The following ACOT7 variants were observed in gnomAD, a reference collection of about 807,000 sequenced individuals.
ACOT7 encodes cytosolic acyl coenzyme A thioester hydrolase.
In ACOT7, 12 loss-of-function variants were observed where a neutral mutation model predicts 40.2. The ratio of observed to expected loss-of-function variants is 0.30; its 90% CI spans 0.19 to 0.48. ACOT7 has a LOEUF of 0.48. Among genes scored for constraint, ACOT7 ranks in the 20% least tolerant of loss-of-function variants. The probability of loss-of-function intolerance (pLI) is 0.99; values close to 1 mark genes in which losing one functional copy is unlikely to be tolerated. For missense variants in ACOT7, 395 were observed against 530.8 expected (o/e 0.74, Z 2.51); for synonymous variants, 228 against 219.5 (o/e 1.04, Z -0.34).
chr1:6,375,331 G>A (rs114178267), intron 1 of ACOT7, among the ~76,000 whole-genome samples: 2,644 of 150,288 alleles, frequency 0.018, 82 homozygotes, highest in African/African-American at 0.061. Context: ...ACATATATCC[G>A]ATAAACAACT....
chr1:6,392,645 T>C (rs565978054), intron 1 of ACOT7, among the ~76,000 whole-genome samples: 17 of 152,294 alleles, frequency 1.1e-4, no homozygotes, highest in Admixed American at 1.0e-3. Context: ...AGTAAACTGT[T>C]AGAGGTAGAC....
At chr1:6,333,662 TC>T in intron 3 of ACOT7, 94 bp from the exon 4 acceptor site, 1 of 1,222,380 alleles carries the variant, frequency 8.2e-7, no homozygotes, top group Non-Finnish European at 1.2e-6. Context: ...CAGCGCCCGG[TC>T]CCAGTACCTG....
At chr1:6,316,081 C>A (rs1640485183) in intron 6 of ACOT7, among the ~76,000 whole-genome samples, 1 of 152,144 alleles carries the variant, frequency 6.6e-6, no homozygotes, top group South Asian at 2.1e-4. Context: ...GACGGAAATG[C>A]CCCATTTAGT....
intron 8 of ACOT7, among the ~76,000 whole-genome samples, chr1:6,265,857 T>G (rs1638835879): frequency 6.6e-6 from 1 of 152,214 alleles, no homozygotes; most frequent in Non-Finnish European, 1.5e-5. Context: ...CAGCTATTTT[T>G]GGGCCTAAGT....
Position 6,306,692 on chromosome 1 carries a change from C to A in ACOT7, c.713-11712G>T. On this transcript the variant is annotated intron_variant, in intron 6 of 8. Coordinates refer to ENST00000361521, the MANE Select transcript of ACOT7 (RefSeq NM_007274.4). The surrounding 1 kb of genome is among the most constrained non-coding windows in gnomAD (Gnocchi z 4.3). ...AGCATTTGTTTGTTCACCTCTTGAT[C>A]CCCCTAGACCAGAAGTTCCTCAAGA... 1.0e-6 allele frequency: 1 copy of A among 985,428 alleles called. No individual in the cohort carries two copies. The highest frequency in any genetic ancestry group is 1.2e-6 in the Non-Finnish European group (1 of 829,926). 61.0% of individuals were successfully genotyped at this position (985,428 alleles called of 1,614,324 possible).
rs140080557 is a variant in ACOT7 at position 6,335,472 on chromosome 1, G to A, written c.419-1904C>T. On this transcript the variant is annotated intron_variant, in intron 3 of 8. Coordinates refer to ENST00000361521, the MANE Select transcript of ACOT7 (RefSeq NM_007274.4). ...TGCACCACTGCACTCCAGCCTGGGCGACAGAGCGAGGCCCTGTCTTAAAAA... is the reference window on the plus strand; with the variant it reads ...TGCACCACTGCACTCCAGCCTGGGCAACAGAGCGAGGCCCTGTCTTAAAAA... 4.7e-3 allele frequency among the ~76,000 whole-genome samples: 719 copies of A among 152,190 alleles called. 8 individuals are homozygous for A. The highest frequency in any genetic ancestry group is 0.016 in the African/African-American group (676 of 41,506).
At position 6,275,642 on chromosome 1, in the gene ACOT7, G is replaced by T. The variant is rs200927232; in HGVS notation, c.1014+5460C>A. 6.6e-5 allele frequency among the ~76,000 whole-genome samples: 10 copies of T among 151,434 alleles called. No homozygotes were observed. The East Asian group carries it at 2.0e-3, about 30-fold the overall frequency. On this transcript the variant is annotated intron_variant, in intron 8 of 8. Transcript: ENST00000361521. The surrounding 1 kb of genome is among the most constrained non-coding windows in gnomAD (Gnocchi z 5.6). ...TGAGGCAGGAGAATCGTTTGAACCC[G>T]GGAGGCAGCGGTTGCAGTGAGCCGA...
chr1:6,305,324 C>A lies in ACOT7; in HGVS notation c.713-10344G>T, dbSNP rs531255125. On this transcript the variant is annotated intron_variant, in intron 6 of 8. Coordinates refer to ENST00000361521, the MANE Select transcript of ACOT7 (RefSeq NM_007274.4). ...CTCCTCACTTCCCAGTAGGGGCGGC[C>A]GGGCAGAGGCGCCCCTCACCTCCCG... Among the ~76,000 whole-genome samples, 863 of 131,916 alleles carry A rather than the reference C, an allele frequency of 6.5e-3. 3 individuals carry two copies. The highest frequency in any genetic ancestry group is 0.015 in the Middle Eastern group (3 of 194). The allele number at this position is 131,916 out of a possible 152,430, so 86.5% of individuals were successfully genotyped here.
intron 1 of ACOT7, among the ~76,000 whole-genome samples, chr1:6,380,432 T>A (rs1051026252): frequency 1.3e-5 from 2 of 151,096 alleles, no homozygotes; most frequent in African/African-American, 4.8e-5. Context: ...ACCCCCCGTC[T>A]CTACTAAAAA....
At chr1:6,292,074 G>A (rs1639681696) in intron 7 of ACOT7, among the ~76,000 whole-genome samples, 2 of 152,258 alleles carry the variant, frequency 1.3e-5, no homozygotes, top group Non-Finnish European at 2.9e-5. Context: ...GAGTGTGACA[G>A]CATTCAACGG....
At chr1:6,365,296 A>G (rs1641979710) in intron 1 of ACOT7, among the ~76,000 whole-genome samples, 1 of 152,208 alleles carries the variant, frequency 6.6e-6, no homozygotes. Context: ...AGGCTCACAC[A>G]GGCATACCTC....
At chr1:6,356,885 C>T (rs961259032) in intron 1 of ACOT7, among the ~76,000 whole-genome samples, 17 of 149,994 alleles carry the variant, frequency 1.1e-4, no homozygotes, top group Non-Finnish European at 2.2e-4. Context: ...TGCCATTGCA[C>T]TCCAGCCTGG....
At chr1:6,280,211 G>A (rs1486742237) in intron 8 of ACOT7, among the ~76,000 whole-genome samples, 1 of 152,240 alleles carries the variant, frequency 6.6e-6, no homozygotes, top group Non-Finnish European at 1.5e-5. Context: ...GCTCCCCGGA[G>A]GGGCAGGAAG....
In ACOT7 at chr1:6,264,670, C is replaced by T. The variant is rs1557620702; in HGVS notation, c.1040G>A (p.Arg347His). Residue 347 changes from arginine to histidine, a missense_variant, in exon 9 of 9, where the codon CGC becomes CAC. Arg to His is a conservative substitution (Grantham distance 29). Transcript: ENST00000361521. ...LVPETEDEKK[R>H]FEEGKGRYLQ... ...GTACCGCCCTTTGCCTTCCTCAAAG[C>T]GCTTCTTCTCGTCCTCGGTCTCGGG... is the stretch of plus-strand genomic sequence containing the variant. The T allele has an allele frequency of 3.1e-6, 5 of 1,613,482 alleles. No individual in the cohort carries two copies. Among genetic ancestry groups the T allele is most frequent in the Non-Finnish European group, 4.2e-6 (5 of 1,179,964 alleles).
At chr1:6,305,018 G>C (rs1279861918) in intron 6 of ACOT7, among the ~76,000 whole-genome samples, 1 of 149,750 alleles carries the variant, frequency 6.7e-6, no homozygotes, top group Non-Finnish European at 1.5e-5. Flanking sequence ...CTGGCCGGGC[G>C]GGGCGCTGAC....
intron 8 of ACOT7, among the ~76,000 whole-genome samples, chr1:6,273,474 G>A (rs1340179933): frequency 1.3e-5 from 2 of 152,188 alleles, no homozygotes; most frequent in African/African-American, 2.4e-5. Flanking sequence ...CAGAGAGCAC[G>A]ACACTGGATT....
At chr1:6,298,846 G>A (rs1639885455) in intron 6 of ACOT7, among the ~76,000 whole-genome samples, 1 of 152,206 alleles carries the variant, frequency 6.6e-6, no homozygotes, top group Non-Finnish European at 1.5e-5. Context: ...GCAAGGAAGT[G>A]AAAACACAAA....
chr1:6,365,673 C>T (rs1370119802), intron 1 of ACOT7, among the ~76,000 whole-genome samples: 2 of 150,076 alleles, frequency 1.3e-5, no homozygotes, highest in Non-Finnish European at 1.5e-5. Flanking sequence ...GAGGCTGAGG[C>T]AGAAGAATGG....
chr1:6,364,846 CAAAAAAAA>C lies in ACOT7; in HGVS notation c.144-14988_144-14981del, dbSNP rs770975001. Among the ~76,000 whole-genome samples, 267 of 37,548 alleles carry C rather than the reference CAAAAAAAA, an allele frequency of 7.1e-3. 4 individuals are homozygous for C. The highest frequency in any genetic ancestry group is 0.048 in the Middle Eastern group (3 of 62). The allele number at this position is 37,548 out of a possible 152,430, so 24.6% of individuals were successfully genotyped here. On this transcript the variant is annotated intron_variant, in intron 1 of 8. Coordinates refer to ENST00000361521, the MANE Select transcript of ACOT7 (RefSeq NM_007274.4). ...CTGGGGACAGAGCGAGACTCCATCTCAAAAAAAAAAAAAAAAAAAAAAAAAAATTAGCC... is the reference window on the plus strand; with the variant it reads ...CTGGGGACAGAGCGAGACTCCATCTCAAAAAAAAAAAAAAAAAAATTAGCC...
Sources: allele counts gnomAD v4.1 joint callset (sites outside exome capture counted in the v4.1 genomes callset), GRCh38; gene constraint gnomAD v4.1.1; non-coding constraint Gnocchi (gnomAD v3.1); transcripts MANE v1.5; gene names NCBI Gene and HGNC (gene_info 2026-07-23, HGNC 2026-07-21).